The following ADCY9 variants were observed in gnomAD, a reference collection of about 807,000 sequenced individuals.
ADCY9 encodes adenylate cyclase type 9.
In ADCY9, 50 loss-of-function variants were observed where a neutral mutation model predicts 101.5. That is an observed-to-expected ratio of 0.49 (90% CI 0.39 to 0.62). The LOEUF is 0.62. ADCY9 is among the 20% of genes least tolerant of loss of function. The probability of loss-of-function intolerance (pLI) is 0.00; values close to 1 mark genes in which losing one functional copy is unlikely to be tolerated. For synonymous variants in ADCY9, 905 were observed against 769.3 expected, an observed-to-expected ratio of 1.18 and a Z score of -2.92; for missense variants, 1,662 against 1,800.4, an observed-to-expected ratio of 0.92 and a Z score of 1.39.
chr16:4,102,103 T>C (rs1329416273), intron 2 of ADCY9, among the ~76,000 whole-genome samples: 1 of 152,182 alleles, frequency 6.6e-6, no homozygotes, highest in Non-Finnish European at 1.5e-5. Flanking sequence ...AAACACCCTT[T>C]AGTGCAATAC....
intron 3 of ADCY9, among the ~76,000 whole-genome samples, chr16:4,004,108 C>T (rs1263624970): frequency 6.6e-6 from 1 of 151,822 alleles, no homozygotes; most frequent in Non-Finnish European, 1.5e-5. Flanking sequence ...ATTAGCTAGG[C>T]ATAGTGGCAC....
intron 3 of ADCY9, 82 bp from the exon 4 acceptor site, chr16:3,993,592 T>C (rs759500090): frequency 3.2e-6 from 5 of 1,545,508 alleles, no homozygotes; most frequent in South Asian, 1.1e-5. Context: ...GCTGTTGCCA[T>C]CTGCCGTCAC....
At chr16:4,050,759 A>G (rs909503703) in intron 2 of ADCY9, among the ~76,000 whole-genome samples, 10 of 151,596 alleles carry the variant, frequency 6.6e-5, no homozygotes, top group Admixed American at 2.0e-4. Flanking sequence ...GCTGCTTGAG[A>G]AGTCCTTGTA....
Position 3,966,914 on chromosome 16 carries a change from C to T in ADCY9, c.2923G>A (p.Ala975Thr), listed in dbSNP as rs774593490. The T allele has an allele frequency of 2.5e-6, 4 of 1,613,648 alleles. No homozygotes were observed. Among genetic ancestry groups the T allele is most frequent in the Non-Finnish European group, 1.7e-6 (2 of 1,180,016 alleles). Residue 975 changes from alanine to threonine, a missense_variant, in exon 11 of 11, where the codon GCC becomes ACC. Physicochemically the swap from Ala to Thr is moderately conservative, Grantham distance 58 (BLOSUM62 0). Coordinates refer to ENST00000294016, the MANE Select transcript of ADCY9 (RefSeq NM_001116.4). The part of the protein sequence containing the change: ...SSVPRDLRRP[A>T]SLIGQEVVLV... ...ACCACCTCCTGGCCGATGAGGCTGG[C>T]GGGCCGCCGGAGGTCACGCGGCACC...
At chr16:4,094,402 A>T (rs532532787) in intron 2 of ADCY9, among the ~76,000 whole-genome samples, 7 of 152,318 alleles carry the variant, frequency 4.6e-5, no homozygotes, top group Admixed American at 4.6e-4. Context: ...GTGTTTTCCC[A>T]TCAGCCGTGC....
intron 7 of ADCY9, among the ~76,000 whole-genome samples, chr16:3,980,589 C>T (rs1328927260): frequency 6.6e-6 from 1 of 151,912 alleles, no homozygotes; most frequent in Non-Finnish European, 1.5e-5. Flanking sequence ...GAACACCTAC[C>T]ATGCCTCTCC....
chr16:4,019,064 G>A (rs774395142), intron 2 of ADCY9, among the ~76,000 whole-genome samples: 1 of 151,036 alleles, frequency 6.6e-6, no homozygotes, highest in African/African-American at 2.4e-5. Context: ...CAGCCTCGAC[G>A]TCCTGGGCTC....
chr16:3,966,429 C>G lies in ADCY9; in HGVS notation c.3408G>C (p.Gln1136His), dbSNP rs1168406570. The change falls in exon 11 of 11, where the codon CAG (glutamine) becomes CAC (histidine). Residue 1136 changes from glutamine to histidine, a missense_variant. Gln to His is a conservative substitution (Grantham distance 24). Transcript: ENST00000294016. ...QDGSHPQEHLQILFEFAKEMM... is the reference protein window; with the variant it reads ...QDGSHPQEHLHILFEFAKEMM... The stretch of plus-strand genomic sequence containing the variant: ...TCTCCTTGGCGAACTCGAACAGGAT[C>G]TGCAGGTGCTCCTGCGGGTGGCTGC... 4 of 1,614,202 alleles carry G rather than the reference C, an allele frequency of 2.5e-6. No individual in the cohort carries two copies. Among genetic ancestry groups the G allele is most frequent in the Admixed American group, 3.3e-5 (2 of 60,022 alleles).
At chr16:3,996,813 T>C (rs191211554) in intron 3 of ADCY9, among the ~76,000 whole-genome samples, 3 of 152,314 alleles carry the variant, frequency 2.0e-5, no homozygotes, top group Non-Finnish European at 2.9e-5. Flanking sequence ...GTCAGTCTGT[T>C]TCAGGTATTT....
chr16:4,004,251 TAAAAA>T (rs71133681), intron 3 of ADCY9, among the ~76,000 whole-genome samples: 2 of 107,722 alleles, frequency 1.9e-5, no homozygotes, highest in African/African-American at 3.5e-5. Context: ...CCCATCTCTT[TAAAAA>T]AAAAAAAAAA....
chr16:3,987,604 C>T (rs552887562), intron 6 of ADCY9, among the ~76,000 whole-genome samples: 3 of 152,354 alleles, frequency 2.0e-5, no homozygotes, highest in African/African-American at 7.2e-5. Flanking sequence ...TGCAAGTCCA[C>T]TCCGGGAGCC....
intron 2 of ADCY9, among the ~76,000 whole-genome samples, chr16:4,023,867 G>A (rs1179897541): frequency 6.6e-6 from 1 of 151,876 alleles, no homozygotes; most frequent in African/African-American, 2.4e-5. Flanking sequence ...CCGAGATTAC[G>A]CCACTGCACT....
rs148987529 is a variant in ADCY9, at chr16:4,073,947, C to CTA, written c.1693+39801_1693+39802dup. Among the ~76,000 whole-genome samples, 1,492 of 152,250 alleles carry CTA rather than the reference C, an allele frequency of 9.8e-3. 30 individuals carry two copies. The highest frequency in any genetic ancestry group is 0.054 in the Middle Eastern group (16 of 294). On this transcript the variant is annotated intron_variant, in intron 2 of 10. Transcript: ENST00000294016. ...TTCCATTGTTCTAAAACTACACTGT[C>CTA]TATATGGCAGCCGCTTAAATTTAAA...
At chr16:4,093,826 C>G (rs1597221550) in intron 2 of ADCY9, among the ~76,000 whole-genome samples, 1 of 152,088 alleles carries the variant, frequency 6.6e-6, no homozygotes, top group African/African-American at 2.4e-5. Flanking sequence ...AAGCTAAGAA[C>G]CTTGCTGCTA....
At chr16:3,968,128 TTC>T (rs1199730765) in intron 10 of ADCY9, among the ~76,000 whole-genome samples, 1 of 152,164 alleles carries the variant, frequency 6.6e-6, no homozygotes, top group Non-Finnish European at 1.5e-5. Context: ...AAATTTAACA[TTC>T]TCTGATATAT....
intron 5 of ADCY9, among the ~76,000 whole-genome samples, chr16:3,955,896 C>T (rs1394641138): frequency 6.6e-6 from 1 of 151,550 alleles, no homozygotes. Flanking sequence ...TGGGGTCTTG[C>T]TCTGTTGCCT....
chr16:4,003,563 C>CTTTT (rs34344577), intron 3 of ADCY9, among the ~76,000 whole-genome samples: 6 of 124,474 alleles, frequency 4.8e-5, no homozygotes, highest in Non-Finnish European at 8.4e-5. Flanking sequence ...TCTTTCTTTT[C>CTTTT]TTTTTTTTTT....
chr16:4,001,856 C>T (rs2056333621), intron 3 of ADCY9, among the ~76,000 whole-genome samples: 1 of 151,564 alleles, frequency 6.6e-6, no homozygotes, highest in Non-Finnish European at 1.5e-5. Flanking sequence ...TCAAGAGATT[C>T]TCCTGCCTCA....
At chr16:4,036,376 C>T (rs2056589532) in intron 2 of ADCY9, among the ~76,000 whole-genome samples, 1 of 151,532 alleles carries the variant, frequency 6.6e-6, no homozygotes, top group Admixed American at 6.6e-5. Flanking sequence ...AATTTTATGG[C>T]ATGTATATAA....
Sources: gnomAD v4.1 joint callset for allele counts (sites outside exome capture counted in the v4.1 genomes callset) on GRCh38, gnomAD v4.1.1 for gene constraint, MANE v1.5 for transcripts, NCBI Gene and HGNC (gene_info 2026-07-23, HGNC 2026-07-21) for gene names.